The following ACYP2 variants were observed in gnomAD, a reference collection of about 807,000 sequenced individuals.
ACYP2 encodes the protein acylphosphatase 2, also known as acylphosphatase-2.
A neutral mutation model predicts 11.2 loss-of-function variants in ACYP2; 12 were observed. The ratio of observed to expected loss-of-function variants is 1.08; its 90% CI spans 0.69 to 1.74. ACYP2 has a LOEUF of 1.74. Ranked by LOEUF, ACYP2 falls within the 40% of genes most tolerant of loss-of-function variation. The pLI is 0.00. For missense variants in ACYP2, 134 were observed against 101.9 expected (o/e 1.31, Z -1.35); for synonymous variants, 43 against 32.2 (o/e 1.33, Z -1.13).
chr2:54,298,607 T>G (rs761854622), intron 6 of ACYP2, among the ~76,000 whole-genome samples: 5 of 152,108 alleles, frequency 3.3e-5, no homozygotes, highest in Admixed American at 3.3e-4. Flanking sequence ...GTTAACACAG[T>G]GGAAATCCCT....
chr2:54,147,899 C>G (rs1404015466), intron 6 of ACYP2, among the ~76,000 whole-genome samples: 1 of 152,062 alleles, frequency 6.6e-6, no homozygotes, highest in Non-Finnish European at 1.5e-5. Context: ...GGAATATTTT[C>G]AGCTATAAGT....
chr2:54,078,683 T>A (rs539540594), intron 4 of ACYP2, among the ~76,000 whole-genome samples: 1 of 151,840 alleles, frequency 6.6e-6, no homozygotes, highest in East Asian at 1.9e-4. Context: ...CACTGTAACC[T>A]CCGCCTCCTG....
At chr2:54,219,831 A>ATATATGTGTG (rs1685711089) in intron 6 of ACYP2, among the ~76,000 whole-genome samples, 4 of 144,206 alleles carry the variant, frequency 2.8e-5, no homozygotes, top group Non-Finnish European at 6.0e-5. Context: ...GTGTGTGTAT[A>ATATATGTGTG]TATATGTGTA....
intron 4 of ACYP2, among the ~76,000 whole-genome samples, chr2:54,085,397 G>A (rs982051715): frequency 2.6e-5 from 4 of 152,194 alleles, no homozygotes; most frequent in Non-Finnish European, 4.4e-5. Flanking sequence ...CTGGCCACCT[G>A]TGACATTAAA....
chr2:54,085,161 T>C (rs1677883722), intron 4 of ACYP2: 1 of 152,250 alleles, frequency 6.6e-6, no homozygotes, highest in Non-Finnish European at 1.5e-5. Context: ...AGGGCCACTG[T>C]CTGTGTAGAG....
At chr2:54,169,341 A>G (rs140253398) in intron 6 of ACYP2, among the ~76,000 whole-genome samples, 2 of 152,282 alleles carry the variant, frequency 1.3e-5, no homozygotes, top group East Asian at 3.9e-4. Context: ...AGCCTCCCCT[A>G]TCCCCCTTTG....
At chr2:54,015,850 G>A (rs943755628) in intron 2 of ACYP2, among the ~76,000 whole-genome samples, 2 of 152,046 alleles carry the variant, frequency 1.3e-5, no homozygotes, top group African/African-American at 4.8e-5. Flanking sequence ...TTTTTGGAGA[G>A]ATGGGGTTTT....
intron 2 of ACYP2, among the ~76,000 whole-genome samples, chr2:53,990,669 A>G (rs866589315): frequency 1.4e-5 from 2 of 146,384 alleles, no homozygotes; most frequent in African/African-American, 5.2e-5. Context: ...AAAAAAAAAG[A>G]AAAAAAAAGA....
rs11901576 is a variant in ACYP2 at position 54,148,147 on chromosome 2, A to G, written c.404+9399A>G. Among the ~76,000 whole-genome samples, 563 of 152,120 alleles carry G rather than the reference A, an allele frequency of 3.7e-3. 2 individuals are homozygous for G. The highest frequency in any genetic ancestry group is 0.013 in the African/African-American group (521 of 41,508). ...AGGATTGTGTTGCTTTTCCTGACCC[A>G]CCCCAAACAGATATCTACTTGTGTT... On this transcript the variant is annotated intron_variant, in intron 6 of 6. Transcript: ENST00000607452.
At chr2:54,241,230 G>A (rs1467553035) in intron 6 of ACYP2, among the ~76,000 whole-genome samples, 1 of 152,176 alleles carries the variant, frequency 6.6e-6, no homozygotes, top group Non-Finnish European at 1.5e-5. Flanking sequence ...CTAATTTAGG[G>A]ATATCATGGG....
At chr2:54,076,163 G>A (rs1039395012) in intron 4 of ACYP2, among the ~76,000 whole-genome samples, 10 of 152,152 alleles carry the variant, frequency 6.6e-5, no homozygotes, top group Admixed American at 2.0e-4. Context: ...CTGGTGGGGA[G>A]CTTATGTAAG....
intron 2 of ACYP2, among the ~76,000 whole-genome samples, chr2:54,024,371 C>A (rs888492392): frequency 6.6e-5 from 10 of 151,814 alleles, no homozygotes; most frequent in African/African-American, 1.9e-4. Flanking sequence ...GTCACACACA[C>A]AAAAAAAGAT....
intron 4 of ACYP2, among the ~76,000 whole-genome samples, chr2:54,089,414 C>A (rs1386267442): frequency 1.3e-5 from 2 of 149,246 alleles, no homozygotes; most frequent in Non-Finnish European, 3.0e-5. Flanking sequence ...ATATATATAT[C>A]TCCTGGCTAT....
At chr2:54,254,880 G>T (rs745707871) in intron 6 of ACYP2, 2 of 1,576,438 alleles carry the variant, frequency 1.3e-6, no homozygotes, top group Non-Finnish European at 1.7e-6. Flanking sequence ...GCTGGTGGTG[G>T]CAGGCAACCT....
At chr2:54,078,458 T>C (rs1248674453) in intron 4 of ACYP2, among the ~76,000 whole-genome samples, 1 of 151,266 alleles carries the variant, frequency 6.6e-6, no homozygotes, top group African/African-American at 2.4e-5. Context: ...CCTGTCGCTA[T>C]TATTATTATC....
At chr2:53,986,999 A>G (rs1672068869) in intron 2 of ACYP2, among the ~76,000 whole-genome samples, 1 of 152,180 alleles carries the variant, frequency 6.6e-6, no homozygotes. Context: ...GGACAACTAC[A>G]CAGTAATGAG....
intron 6 of ACYP2, among the ~76,000 whole-genome samples, chr2:54,159,043 A>C (rs943223960): frequency 1.3e-5 from 2 of 151,952 alleles, no homozygotes; most frequent in East Asian, 1.9e-4. Context: ...TACTCTCTCT[A>C]TATAGTATAT....
rs1260048141 is a variant in ACYP2 at position 54,065,619 on chromosome 2, A to C, written c.277+8259A>C. On this transcript the variant is annotated intron_variant, in intron 4 of 6. Coordinates refer to ENST00000607452, the MANE Select transcript of ACYP2 (RefSeq NM_001320586.2). Reference sequence around the variant, plus strand: ...TCCCTGGGCTGGTGTGAGTAAGTGGAAAGCCATTTTAGAGAAGCCAGAATT... The same window carrying C: ...TCCCTGGGCTGGTGTGAGTAAGTGGCAAGCCATTTTAGAGAAGCCAGAATT... 7 of 397,698 alleles carry C rather than the reference A, an allele frequency of 1.8e-5. No individual in the cohort carries two copies. The East Asian group carries it at 2.1e-4, about 12-fold the overall frequency. 24.6% of individuals were successfully genotyped at this position (397,698 alleles called of 1,614,324 possible).
intron 2 of ACYP2, among the ~76,000 whole-genome samples, chr2:54,011,338 G>A (rs1030070068): frequency 6.6e-6 from 1 of 151,918 alleles, no homozygotes; most frequent in African/African-American, 2.4e-5. Flanking sequence ...AGATATTTTT[G>A]AATAAAACGT....
Sources: allele counts gnomAD v4.1 joint callset (sites outside exome capture counted in the v4.1 genomes callset), GRCh38; gene constraint gnomAD v4.1.1; transcripts MANE v1.5; gene names NCBI Gene and HGNC (gene_info 2026-07-23, HGNC 2026-07-21).